Variants in CPNE4 observed in about 807,000 individuals in gnomAD.
CPNE4 encodes copine 4, also known as copine-4.
Under a neutral mutation model 67.9 loss-of-function variants are expected in CPNE4, and 25 were observed. The observed-to-expected ratio is 0.37, with a 90% confidence interval of 0.27 to 0.51. CPNE4 has a LOEUF of 0.51. Among genes scored for constraint, CPNE4 ranks in the 20% least tolerant of loss-of-function variants. The pLI is 0.93. For synonymous variants in CPNE4, 242 were observed against 244.9 expected, an observed-to-expected ratio of 0.99 and a Z score of 0.11; for missense variants, 464 against 690.8, an observed-to-expected ratio of 0.67 and a Z score of 3.68.
At chr3:131,914,270 C>G (rs1406001335) in intron 1 of CPNE4, among the ~76,000 whole-genome samples, 1 of 152,264 alleles carries the variant, frequency 6.6e-6, no homozygotes, top group East Asian at 1.9e-4. Flanking sequence ...CTTTGCTGTT[C>G]TGCCTCCTTA....
chr3:131,976,756 A>G (rs2072665361), intron 1 of CPNE4, among the ~76,000 whole-genome samples: 1 of 152,100 alleles, frequency 6.6e-6, no homozygotes, highest in Admixed American at 6.5e-5. Context: ...AACACCAAAC[A>G]CTAAAAAAAA....
chr3:131,552,487 G>A lies in CPNE4; in HGVS notation c.1121C>T (p.Ser374Phe). Reference protein sequence around the residue: ...GARIPPEYTVSHDFAINFNED... With the variant: ...GARIPPEYTVFHDFAINFNED... The stretch of plus-strand genomic sequence containing the variant: ...ATTAAAGTTGATTGCAAAGTCATGA[G>A]AGACCTAGACACCGATTAAAATTTA... Residue 374 changes from serine (S) to phenylalanine (F), a missense_variant, in exon 13 of 16, where the codon TCT becomes TTT. Around this residue, in one of 6 missense-constraint regions of CPNE4, gnomAD observed 201 missense variants for 357.7 expected, o/e 0.56. Transcript: ENST00000429747. 6.2e-7 allele frequency: 1 copy of A among 1,612,234 alleles called. No homozygotes were observed. Among genetic ancestry groups the A allele is most frequent in the South Asian group, 1.1e-5 (1 of 90,964 alleles).
chr3:131,698,382 G>A (rs62278987), intron 4 of CPNE4, among the ~76,000 whole-genome samples: 2,827 of 151,988 alleles, frequency 0.019, 40 homozygotes, highest in Non-Finnish European at 0.025. Context: ...TTCATACCTG[G>A]ATCTACTGGT....
chr3:131,649,423 G>A (rs1017855142), intron 7 of CPNE4, among the ~76,000 whole-genome samples: 6 of 152,146 alleles, frequency 3.9e-5, no homozygotes, highest in East Asian at 1.9e-4. Flanking sequence ...TTCCTATTAC[G>A]AGAGGCACCA....
chr3:131,930,143 GC>G (rs1160233776), intron 1 of CPNE4, among the ~76,000 whole-genome samples: 2 of 152,166 alleles, frequency 1.3e-5, no homozygotes, highest in Admixed American at 6.5e-5. Flanking sequence ...AGTGGAAAGT[GC>G]CTTAACTTTC....
At chr3:131,861,687 C>A (rs145087377) in intron 2 of CPNE4, among the ~76,000 whole-genome samples, 18 of 152,240 alleles carry the variant, frequency 1.2e-4, no homozygotes, top group African/African-American at 3.1e-4. Context: ...CCGGCCTCGG[C>A]CTCACAAAGT....
chr3:131,907,207 C>T (rs532771894), intron 1 of CPNE4, among the ~76,000 whole-genome samples: 7 of 152,216 alleles, frequency 4.6e-5, no homozygotes, highest in South Asian at 2.1e-4. Flanking sequence ...GACGACTGAA[C>T]GTATAAGATT....
At chr3:131,711,694 G>A (rs553405606) in intron 3 of CPNE4, among the ~76,000 whole-genome samples, 9 of 152,236 alleles carry the variant, frequency 5.9e-5, no homozygotes, top group South Asian at 2.1e-4. Flanking sequence ...ACCAAGACTC[G>A]TGGGAATGCT....
upstream of CPNE4, among the ~76,000 whole-genome samples, chr3:132,038,928 G>T (rs1040674274): frequency 6.6e-6 from 1 of 152,166 alleles, no homozygotes; most frequent in Non-Finnish European, 1.5e-5. Flanking sequence ...TGCAGATGGG[G>T]TAGTGATGTG....
chr3:131,825,188 G>A (rs1253585497), intron 2 of CPNE4, among the ~76,000 whole-genome samples: 1 of 151,458 alleles, frequency 6.6e-6, no homozygotes, highest in Non-Finnish European at 1.5e-5. Context: ...GAGCCTCAGA[G>A]CAGCAAATAA....
intron 1 of CPNE4, among the ~76,000 whole-genome samples, chr3:131,977,880 G>A (rs2072709867): frequency 6.6e-6 from 1 of 150,536 alleles, no homozygotes; most frequent in African/African-American, 2.5e-5. Flanking sequence ...TCATTCTTAT[G>A]CCTTTGCATC....
At chr3:131,843,997 G>A (rs538929893) in intron 2 of CPNE4, among the ~76,000 whole-genome samples, 6 of 152,296 alleles carry the variant, frequency 3.9e-5, no homozygotes, top group African/African-American at 9.6e-5. Context: ...GAAGATGTGG[G>A]AAGCATGGGG....
intron 2 of CPNE4, among the ~76,000 whole-genome samples, chr3:131,816,143 C>A (rs1560382830): frequency 6.6e-6 from 1 of 151,994 alleles, no homozygotes; most frequent in Non-Finnish European, 1.5e-5. Context: ...ATCCTAAAAC[C>A]CACTGTAATT....
intron 2 of CPNE4, among the ~76,000 whole-genome samples, chr3:131,786,353 A>C (rs1425278503): frequency 6.6e-6 from 1 of 152,146 alleles, no homozygotes; most frequent in Non-Finnish European, 1.5e-5. Context: ...AGTACTTTTC[A>C]TGTGTGATCC....
intron 2 of CPNE4, among the ~76,000 whole-genome samples, chr3:131,827,080 A>G (rs918479910): frequency 3.3e-5 from 5 of 152,180 alleles, no homozygotes; most frequent in African/African-American, 1.2e-4. Context: ...AAACAACTTC[A>G]GTCTCAGAGA....
At chr3:132,009,485 G>T (rs2073695042) in intron 1 of CPNE4, among the ~76,000 whole-genome samples, 1 of 152,196 alleles carries the variant, frequency 6.6e-6, no homozygotes, top group Non-Finnish European at 1.5e-5. Flanking sequence ...AGAGCACATT[G>T]TTTTCATAGC....
At chr3:131,606,138 A>C (rs1559972166) in intron 7 of CPNE4, among the ~76,000 whole-genome samples, 1 of 152,182 alleles carries the variant, frequency 6.6e-6, no homozygotes, top group Non-Finnish European at 1.5e-5. Context: ...AGATGATTCC[A>C]TTTGTATAGC....
chr3:131,731,376 A>G (rs1468460454), intron 2 of CPNE4, among the ~76,000 whole-genome samples: 1 of 152,122 alleles, frequency 6.6e-6, no homozygotes, highest in Non-Finnish European at 1.5e-5. Context: ...AAGTGCTAAT[A>G]TGTTCTGGGT....
At chr3:131,998,127 C>T (rs978143133) in intron 1 of CPNE4, among the ~76,000 whole-genome samples, 1 of 152,104 alleles carries the variant, frequency 6.6e-6, no homozygotes, top group African/African-American at 2.4e-5. Flanking sequence ...ATGAGGCATT[C>T]TTTCTCTCTT....
Sources: allele counts gnomAD v4.1 joint callset (sites outside exome capture counted in the v4.1 genomes callset), GRCh38; gene constraint gnomAD v4.1.1; regional missense constraint gnomAD v4.1.1; transcripts MANE v1.5; gene names NCBI Gene and HGNC (gene_info 2026-07-23, HGNC 2026-07-21).